The following LRP1B variants were observed in gnomAD, a reference collection of about 807,000 sequenced individuals.
LRP1B encodes the protein low-density lipoprotein receptor-related protein 1B.
A neutral mutation model predicts 556.6 loss-of-function variants in LRP1B; 217 were observed. The ratio of observed to expected loss-of-function variants is 0.39; its 90% CI spans 0.35 to 0.44. The LOEUF (loss-of-function observed/expected upper bound fraction) is 0.44, where lower values mean the gene tolerates loss of function less well. Ranked by LOEUF, LRP1B falls within the 20% of genes least tolerant of loss-of-function variation. LRP1B has a pLI of 1.00. For synonymous variants in LRP1B, 2,047 were observed against 1,865.8 expected (o/e 1.10, Z -2.50); for missense variants, 5,053 against 5,620.8 (o/e 0.90, Z 3.23).
At chr2:140,821,471 A>G (rs1691326464) in intron 31 of LRP1B, among the ~76,000 whole-genome samples, 1 of 152,202 alleles carries the variant, frequency 6.6e-6, no homozygotes, top group Non-Finnish European at 1.5e-5. Flanking sequence ...GTGCTGAGTA[A>G]TAAGTATATA....
chr2:140,875,331 T>C (rs1693271824), intron 25 of LRP1B, among the ~76,000 whole-genome samples: 2 of 152,208 alleles, frequency 1.3e-5, no homozygotes, highest in African/African-American at 2.4e-5. Context: ...AACAGGGTTT[T>C]CTTGAAGCAT....
intron 7 of LRP1B, among the ~76,000 whole-genome samples, chr2:141,186,483 T>A (rs916102949): frequency 6.6e-6 from 1 of 152,000 alleles, no homozygotes; most frequent in Non-Finnish European, 1.5e-5. Context: ...AAAAATAGAA[T>A]GTATTTTAAA....
chr2:141,294,739 CAAA>C (rs10700407), intron 3 of LRP1B, among the ~76,000 whole-genome samples: 1 of 139,276 alleles, frequency 7.2e-6, no homozygotes, highest in African/African-American at 2.7e-5. Flanking sequence ...GATTCTGTCT[CAAA>C]AAAAAAAAAA....
At chr2:141,889,974 CT>C (rs1156590427) in intron 1 of LRP1B, among the ~76,000 whole-genome samples, 1 of 143,462 alleles carries the variant, frequency 7.0e-6, no homozygotes, top group Non-Finnish European at 1.5e-5. Flanking sequence ...TTCCTTCCCC[CT>C]CACCCACCCC....
At chr2:140,418,594 C>A (rs1685299083) in intron 66 of LRP1B, among the ~76,000 whole-genome samples, 1 of 151,924 alleles carries the variant, frequency 6.6e-6, no homozygotes, top group African/African-American at 2.4e-5. Flanking sequence ...GGATTTTCTG[C>A]AGTAACAGCA....
At chr2:140,249,680 A>G (rs1681321110) in intron 86 of LRP1B, among the ~76,000 whole-genome samples, 1 of 151,852 alleles carries the variant, frequency 6.6e-6, no homozygotes, top group Non-Finnish European at 1.5e-5. Flanking sequence ...ACTGTTCTGC[A>G]TTTGTCTTGG....
chr2:141,394,716 A>C (rs1260613232), intron 3 of LRP1B, among the ~76,000 whole-genome samples: 1 of 152,082 alleles, frequency 6.6e-6, no homozygotes, highest in Non-Finnish European at 1.5e-5. Flanking sequence ...CTAAGTTTTA[A>C]ATTTTGAACT....
At chr2:141,974,406 T>C (rs72988316) in intron 1 of LRP1B, among the ~76,000 whole-genome samples, 1 of 152,098 alleles carries the variant, frequency 6.6e-6, no homozygotes, top group African/African-American at 2.4e-5. Context: ...TTCAAGAAGA[T>C]TTAAGGTTTT....
At chr2:142,041,376 A>G (rs1220230451) in intron 1 of LRP1B, among the ~76,000 whole-genome samples, 3 of 151,466 alleles carry the variant, frequency 2.0e-5, no homozygotes, top group Admixed American at 2.0e-4. Context: ...ATGACCTTTC[A>G]TTAGAATTAA....
chr2:140,927,450 T>C (rs1694918495), intron 20 of LRP1B, among the ~76,000 whole-genome samples: 1 of 152,174 alleles, frequency 6.6e-6, no homozygotes, highest in Admixed American at 6.5e-5. Context: ...TTTATGATTG[T>C]ACCATTTTTA....
At chr2:140,683,434 G>A (rs1164327870) in intron 41 of LRP1B, 2 of 540,192 alleles carry the variant, frequency 3.7e-6, no homozygotes, top group Non-Finnish European at 7.1e-6. Flanking sequence ...GGTGGATAGT[G>A]CCACCTGGGG....
At chr2:140,575,389 G>T (rs1472857355) in intron 43 of LRP1B, among the ~76,000 whole-genome samples, 1 of 152,072 alleles carries the variant, frequency 6.6e-6, no homozygotes. Context: ...AATCCATATA[G>T]ACATAATTAA....
chr2:141,016,045 T>A (rs1358312124), intron 12 of LRP1B, 130 bp from the exon 13 acceptor site: 1 of 695,272 alleles, frequency 1.4e-6, no homozygotes, highest in Non-Finnish European at 2.5e-6. Context: ...TCTAAGTGCT[T>A]ATCTGTCAAA....
At chr2:140,293,302 G>T (rs1368613352) in intron 84 of LRP1B, among the ~76,000 whole-genome samples, 1 of 152,242 alleles carries the variant, frequency 6.6e-6, no homozygotes, top group South Asian at 2.1e-4. Flanking sequence ...AAAATGTCAT[G>T]CTCACTTGTT....
intron 60 of LRP1B, among the ~76,000 whole-genome samples, chr2:140,472,147 G>A (rs1687797295): frequency 6.6e-6 from 1 of 152,102 alleles, no homozygotes; most frequent in African/African-American, 2.4e-5. Flanking sequence ...TGAAGGTAGA[G>A]ACTCATTCAT....
rs147436354 is a variant in LRP1B at position 141,008,667 on chromosome 2, C to G, written c.2381-3210G>C. 1.2e-3 allele frequency among the ~76,000 whole-genome samples: 178 copies of G among 151,928 alleles called. 1 individual carries two copies. The highest frequency in any genetic ancestry group is 4.1e-3 in the African/African-American group (169 of 41,542). ...CTTCTGGCTTCATCAAAAACTTTGT[C>G]TTTCTTTTTCCCAATCTTGTATCTT... On this transcript the variant is annotated intron_variant, in intron 14 of 90. Coordinates refer to ENST00000389484, the MANE Select transcript of LRP1B (RefSeq NM_018557.3).
At chr2:141,968,116 A>G (rs1432325813) in intron 1 of LRP1B, among the ~76,000 whole-genome samples, 2 of 151,880 alleles carry the variant, frequency 1.3e-5, no homozygotes, top group East Asian at 3.9e-4. Flanking sequence ...AAATTTTGGC[A>G]GCAGGTCACA....
intron 2 of LRP1B, among the ~76,000 whole-genome samples, chr2:141,533,405 AT>A (rs1684959477): frequency 6.6e-6 from 1 of 152,156 alleles, no homozygotes; most frequent in Non-Finnish European, 1.5e-5. Context: ...AACTGCTCAC[AT>A]CTTTTCATGA....
intron 41 of LRP1B, 133 bp downstream of exon 41, chr2:140,700,117 G>A (rs1686579777): frequency 7.5e-6 from 6 of 802,138 alleles, no homozygotes; most frequent in East Asian, 5.3e-5. Flanking sequence ...AGGGTTAGAT[G>A]ATATAGTCAC....
Sources: gnomAD v4.1 joint callset for allele counts (sites outside exome capture counted in the v4.1 genomes callset) on GRCh38, gnomAD v4.1.1 for gene constraint, MANE v1.5 for transcripts, NCBI Gene and HGNC (gene_info 2026-07-23, HGNC 2026-07-21) for gene names.